Variants in TARS1 observed in about 807,000 individuals in gnomAD.
TARS1 encodes threonine--tRNA ligase 1, cytoplasmic.
In TARS1, 57 loss-of-function variants were observed where a neutral mutation model predicts 97.7. The observed-to-expected ratio is 0.58, with a 90% CI of 0.47 to 0.73. The LOEUF is 0.73. Among genes scored for constraint, TARS1 ranks in the 30% least tolerant of loss-of-function variants. TARS1 has a pLI of 0.00. For synonymous variants in TARS1, 312 were observed against 293.7 expected (o/e 1.06, Z -0.64); for missense variants, 806 against 888.3 (o/e 0.91, Z 1.18).
At chr5:33,451,361 T>C (rs1741722910) in intron 3 of TARS1, among the ~76,000 whole-genome samples, 1 of 148,764 alleles carries the variant, frequency 6.7e-6, no homozygotes, top group African/African-American at 2.5e-5. Flanking sequence ...TCTTTGAAGT[T>C]TTGTTATAAA....
intron 10 of TARS1, among the ~76,000 whole-genome samples, chr5:33,459,253 G>C (rs1327849750): frequency 2.0e-5 from 3 of 152,006 alleles, no homozygotes; most frequent in Non-Finnish European, 4.4e-5. Context: ...GATTCTTTTT[G>C]TCCATGTTAC....
At chr5:33,452,337 C>G (rs1225947466) in intron 3 of TARS1, 272 of 1,534,992 alleles carry the variant, frequency 1.8e-4, no homozygotes, top group Admixed American at 2.4e-4. Flanking sequence ...CAACTCTGCT[C>G]TAGTCACACA....
intron 3 of TARS1, among the ~76,000 whole-genome samples, chr5:33,450,234 TATTGA>T (rs1384405116): frequency 3.3e-5 from 5 of 152,352 alleles, no homozygotes; most frequent in East Asian, 1.9e-4. Context: ...AAGTGTTATG[TATTGA>T]ATTGAACCAT....
At chr5:33,443,320 C>CCTCTCCCTCTCTCT (rs1741222183) in intron 1 of TARS1, among the ~76,000 whole-genome samples, 1 of 118,486 alleles carries the variant, frequency 8.4e-6, no homozygotes. Flanking sequence ...TCTCTCTCTC[C>CCTCTCCCTCTCTCT]CTCTCTCTCT....
intron 17 of TARS1, 135 bp downstream of exon 17, chr5:33,463,960 C>A (rs1742416061): frequency 2.8e-6 from 2 of 721,430 alleles, no homozygotes; most frequent in South Asian, 1.9e-5. Flanking sequence ...CTTTGTTAAG[C>A]CTGAATAGAT....
chr5:33,443,721 T>C (rs183012571), intron 1 of TARS1, among the ~76,000 whole-genome samples: 3,772 of 152,202 alleles, frequency 0.025, 162 homozygotes, highest in African/African-American at 0.087. Context: ...GGTCTCGATC[T>C]CCTGACCTCG....
rs1742281110 is a variant in TARS1 at position 33,461,277 on chromosome 5, A to G, written c.1533A>G (p.Val511=). ...RPEKFLGDIE[V]WDQAEKQLEN... is the part of the protein sequence containing the mutation. ...AAAAATTCCTTGGAGATATCGAAGT[A>G]TGGGATCAAGCTGAGAAAGTAAGTG... is the stretch of plus-strand genomic sequence containing the variant. The change falls in exon 13 of 19, where the codon GTA becomes GTG. Residue 511 remains valine, a synonymous_variant. Coordinates refer to ENST00000265112, the MANE Select transcript of TARS1 (RefSeq NM_152295.5). 6.2e-7 allele frequency: 1 copy of G among 1,612,312 alleles called. No individual in the cohort carries two copies. The highest frequency in any genetic ancestry group is 8.5e-7 in the Non-Finnish European group (1 of 1,179,620).
chr5:33,445,544 A>G, intron 2 of TARS1, 140 bp downstream of exon 2: 1 of 629,874 alleles, frequency 1.6e-6, no homozygotes, highest in Non-Finnish European at 2.7e-6. Flanking sequence ...AATCAGGAAG[A>G]AGAATTAGGA....
intron 2 of TARS1, chr5:33,446,797 A>G: frequency 8.1e-7 from 1 of 1,241,468 alleles, no homozygotes; most frequent in Non-Finnish European, 1.1e-6. Context: ...TTTAGAGTGG[A>G]TGGAACTGGG....
rs1332680642 is a variant in TARS1, at chr5:33,459,711, G to C, written c.1100G>C (p.Arg367Thr). 3 of 1,614,120 alleles carry C rather than the reference G, an allele frequency of 1.9e-6. No homozygotes were observed. In the East Asian group the frequency reaches 6.7e-5, roughly 36 times the overall value. ...IEFIRSEYRK[R>T]GFQEVVTPNI... ...TTCTATCAGAGCGAATATAGGAAAA[G>C]AGGATTCCAGGAGGTAGTCACCCCA... is the stretch of plus-strand genomic sequence containing the variant. The change falls in exon 11 of 19, where the codon AGA becomes ACA. Residue 367 changes from arginine to threonine, a missense_variant. Around this residue, in one of 3 missense-constraint regions of TARS1, gnomAD observed 446 missense variants for 511.0 expected, o/e 0.87. Coordinates refer to ENST00000265112, the MANE Select transcript of TARS1 (RefSeq NM_152295.5).
intron 11 of TARS1, 114 bp downstream of exon 11, chr5:33,459,975 C>G (rs1378124917): frequency 1.8e-6 from 2 of 1,100,444 alleles, no homozygotes; most frequent in African/African-American, 1.6e-5. Context: ...ATCAGAAGAG[C>G]ATTTAAACGC....
intron 1 of TARS1, among the ~76,000 whole-genome samples, chr5:33,444,370 T>G (rs968944424): frequency 2.0e-5 from 3 of 152,226 alleles, no homozygotes; most frequent in African/African-American, 7.2e-5. Flanking sequence ...TAAAAACCAT[T>G]GAATTGTGTA....
intron 17 of TARS1, among the ~76,000 whole-genome samples, chr5:33,465,371 T>C (rs1742484730): frequency 6.6e-6 from 1 of 152,146 alleles, no homozygotes; most frequent in South Asian, 2.1e-4. Flanking sequence ...AGCTTTTCTT[T>C]TGCGGGGAGA....
chr5:33,440,714 G>A (rs1156533057), upstream of TARS1: 5 of 443,154 alleles, frequency 1.1e-5, no homozygotes, highest in African/African-American at 9.9e-5. Context: ...TCCACATAAA[G>A]TCAGAAGGGA....
chr5:33,458,425 T>A, intron 9 of TARS1, 141 bp from the exon 10 acceptor site: 1 of 581,146 alleles, frequency 1.7e-6, no homozygotes. Flanking sequence ...CTGACATGGT[T>A]TCTTTGATTC....
chr5:33,452,703 G>A (rs1207815660), intron 3 of TARS1, among the ~76,000 whole-genome samples: 1 of 151,862 alleles, frequency 6.6e-6, no homozygotes. Context: ...GGTTAGCATT[G>A]TCTGTCAAAG....
chr5:33,449,333 A>G (rs56938839), intron 3 of TARS1, among the ~76,000 whole-genome samples: 6,913 of 145,072 alleles, frequency 0.048, 612 homozygotes, highest in African/African-American at 0.17. Context: ...ATATACGCGT[A>G]TATATACACG....
chr5:33,452,273 T>G lies in TARS1; in HGVS notation c.330-1016T>G, dbSNP rs571588620. ...CTTCGTTGAGATGTCCAGGCTGTTA[T>G]AGACTATTATTTCTCTAGCTGTGCA... is the stretch of plus-strand genomic sequence containing the variant. On this transcript the variant is annotated intron_variant, in intron 3 of 18. Transcript: ENST00000265112. The G allele has an allele frequency of 3.0e-5, 37 of 1,228,674 alleles. No individual in the cohort carries two copies. The African/African-American group carries it at 4.8e-4, about 16-fold the overall frequency. 76.1% of individuals were successfully genotyped at this position (1,228,674 alleles called of 1,614,324 possible).
At chr5:33,454,286 A>G (rs1046968672) in intron 4 of TARS1, among the ~76,000 whole-genome samples, 1 of 152,192 alleles carries the variant, frequency 6.6e-6, no homozygotes, top group Non-Finnish European at 1.5e-5. Flanking sequence ...GTGGTTTTCA[A>G]ATGTATTTTG....
Sources: allele counts gnomAD v4.1 joint callset (sites outside exome capture counted in the v4.1 genomes callset), GRCh38; gene constraint gnomAD v4.1.1; regional missense constraint gnomAD v4.1.1; transcripts MANE v1.5; gene names NCBI Gene and HGNC (gene_info 2026-07-23, HGNC 2026-07-21).